KSR2: variants seen among roughly 807,000 people sequenced by gnomAD.
KSR2 encodes kinase suppressor of ras 2.
Under a neutral mutation model 107.8 loss-of-function variants are expected in KSR2, and 25 were observed. The ratio of observed to expected loss-of-function variants is 0.23; its 90% confidence interval spans 0.17 to 0.32. KSR2 has a LOEUF of 0.32. Among genes scored for constraint, KSR2 ranks in the 10% least tolerant of loss-of-function variants. KSR2 has a pLI of 1.00. For missense variants in KSR2, 887 were observed against 1,268.9 expected (o/e 0.70, Z 4.57); for synonymous variants, 480 against 507.0 (o/e 0.95, Z 0.71).
intron 4 of KSR2, among the ~76,000 whole-genome samples, chr12:117,679,019 G>A (rs1885258104): frequency 6.6e-6 from 1 of 152,184 alleles, no homozygotes; most frequent in Non-Finnish European, 1.5e-5. Flanking sequence ...ATTGTCTCTA[G>A]TAAATTTCCT....
At chr12:117,636,628 C>T (rs1012451410) in intron 5 of KSR2, among the ~76,000 whole-genome samples, 1 of 152,194 alleles carries the variant, frequency 6.6e-6, no homozygotes, top group East Asian at 1.9e-4. Flanking sequence ...AAAATAGGTC[C>T]CTAACTTATA....
At chr12:117,923,173 G>A (rs1895396222) in intron 1 of KSR2, among the ~76,000 whole-genome samples, 1 of 152,286 alleles carries the variant, frequency 6.6e-6, no homozygotes, top group South Asian at 2.1e-4. Context: ...GAGTTATAGT[G>A]CTGTTGGCTA....
intron 3 of KSR2, among the ~76,000 whole-genome samples, chr12:117,786,342 T>C (rs1051723974): frequency 1.3e-5 from 2 of 152,152 alleles, no homozygotes; most frequent in Non-Finnish European, 2.9e-5. Context: ...TTTAAACTTT[T>C]ATTTTAGGTT....
At chr12:117,778,836 T>C (rs75518124) in intron 3 of KSR2, among the ~76,000 whole-genome samples, 7 of 152,362 alleles carry the variant, frequency 4.6e-5, no homozygotes, top group Admixed American at 1.3e-4. Context: ...TTTGTTGTTC[T>C]ATTGCTCTGC....
chr12:117,557,079 C>T (rs761897790), intron 8 of KSR2, among the ~76,000 whole-genome samples: 1 of 152,040 alleles, frequency 6.6e-6, no homozygotes, highest in African/African-American at 2.4e-5. Flanking sequence ...GCAGGAGAAT[C>T]GCTTGAACCC....
intron 4 of KSR2, among the ~76,000 whole-genome samples, chr12:117,678,668 G>C (rs1246653459): frequency 3.3e-5 from 5 of 152,160 alleles, no homozygotes. Flanking sequence ...GGATCTGTTT[G>C]GGGGTAATGC....
At chr12:117,528,290 T>C (rs979432895) in intron 12 of KSR2, among the ~76,000 whole-genome samples, 76 of 152,080 alleles carry the variant, frequency 5.0e-4, no homozygotes, top group African/African-American at 1.8e-3. Flanking sequence ...AGAGGTATGT[T>C]GCAGGGTTTA....
intron 14 of KSR2, among the ~76,000 whole-genome samples, chr12:117,502,870 A>G (rs1695007356): frequency 6.6e-6 from 1 of 152,190 alleles, no homozygotes; most frequent in South Asian, 2.1e-4. Flanking sequence ...TGCTGGCCTG[A>G]CAACAAAGAA....
chr12:117,463,824 G>C lies in KSR2; in HGVS notation c.*3375C>G, dbSNP rs934775161. On this transcript the variant is annotated 3_prime_UTR_variant, in exon 20 of 20. Transcript: ENST00000339824. Reference sequence around the variant, plus strand: ...TAAGGCTGGTTTCGTGTGTTTGTGGGGAGGGGCATGATGTGTGTATATGGC... The same window carrying C: ...TAAGGCTGGTTTCGTGTGTTTGTGGCGAGGGGCATGATGTGTGTATATGGC... 4 of 152,350 alleles carry C rather than the reference G, an allele frequency of 2.6e-5. No homozygotes were observed. The highest frequency in any genetic ancestry group is 6.5e-5 in the Admixed American group (1 of 15,272). 9.4% of individuals were successfully genotyped at this position (152,350 alleles called of 1,614,324 possible). A position where few individuals can be genotyped will look rare whatever the true frequency, so the allele number is the denominator to read the frequency against.
chr12:117,931,022 T>C (rs765244949), intron 1 of KSR2, among the ~76,000 whole-genome samples: 2 of 152,174 alleles, frequency 1.3e-5, no homozygotes, highest in Non-Finnish European at 1.5e-5. Flanking sequence ...CAGCACATTT[T>C]GATCTGCTCT....
At chr12:117,632,218 C>CTTTTTTTT (rs544594793) in intron 5 of KSR2, among the ~76,000 whole-genome samples, 18 of 84,026 alleles carry the variant, frequency 2.1e-4, no homozygotes, top group African/African-American at 3.8e-4. Context: ...AGTCCTACTC[C>CTTTTTTTT]TTTTTTTTTT....
At chr12:117,825,275 T>C (rs893736790) in intron 3 of KSR2, among the ~76,000 whole-genome samples, 6 of 152,128 alleles carry the variant, frequency 3.9e-5, no homozygotes, top group Non-Finnish European at 8.8e-5. Flanking sequence ...ATGGATCATA[T>C]GTGTGGGTCC....
At chr12:117,784,667 C>T (rs1890002693) in intron 3 of KSR2, among the ~76,000 whole-genome samples, 1 of 152,078 alleles carries the variant, frequency 6.6e-6, no homozygotes, top group Non-Finnish European at 1.5e-5. Flanking sequence ...CACTTTACCG[C>T]CAATGAGAAG....
intron 1 of KSR2, among the ~76,000 whole-genome samples, chr12:117,879,068 G>T (rs1267197975): frequency 6.6e-6 from 1 of 151,892 alleles, no homozygotes. Flanking sequence ...CCCTCCTACT[G>T]CCTGGAAAAA....
At chr12:117,933,738 G>A (rs1265414876) in intron 1 of KSR2, among the ~76,000 whole-genome samples, 6 of 152,084 alleles carry the variant, frequency 3.9e-5, no homozygotes, top group Admixed American at 1.3e-4. Context: ...CCTAAATTGC[G>A]GGGCCACAGT....
At chr12:117,766,358 AAG>A (rs979295926) in intron 3 of KSR2, among the ~76,000 whole-genome samples, 4 of 152,166 alleles carry the variant, frequency 2.6e-5, no homozygotes, top group Non-Finnish European at 5.9e-5. Context: ...TCTATAGAGA[AAG>A]AGAGCAGATT....
chr12:117,545,929 T>C (rs565003416), intron 9 of KSR2, among the ~76,000 whole-genome samples: 1 of 152,304 alleles, frequency 6.6e-6, no homozygotes, highest in African/African-American at 2.4e-5. Context: ...CCTTTAATAA[T>C]TGTCTTAAAT....
chr12:117,937,729 C>T (rs1482819526), intron 1 of KSR2, among the ~76,000 whole-genome samples: 6 of 150,054 alleles, frequency 4.0e-5, no homozygotes, highest in Admixed American at 1.3e-4. Context: ...GAGGCTGAGG[C>T]GGGTGGATCA....
intron 4 of KSR2, among the ~76,000 whole-genome samples, chr12:117,712,830 T>C (rs1886837228): frequency 6.6e-6 from 1 of 152,122 alleles, no homozygotes; most frequent in South Asian, 2.1e-4. Context: ...GATAGATAGC[T>C]ACCTAGGTAA....
Sources: allele counts gnomAD v4.1 joint callset (sites outside exome capture counted in the v4.1 genomes callset), GRCh38; gene constraint gnomAD v4.1.1; transcripts MANE v1.5; gene names NCBI Gene and HGNC (gene_info 2026-07-23, HGNC 2026-07-21).